The following CYFIP2 variants were observed in gnomAD, a reference collection of about 807,000 sequenced individuals.
CYFIP2 encodes the protein cytoplasmic FMR1-interacting protein 2.
CYFIP2 carries 29 observed loss-of-function variants against 158.7 expected under a neutral mutation model. The ratio of observed to expected loss-of-function variants is 0.18; its 90% CI spans 0.14 to 0.25. The LOEUF (loss-of-function observed/expected upper bound fraction) is 0.25, where lower values mean the gene tolerates loss of function less well. Among genes scored for constraint, CYFIP2 ranks in the 10% least tolerant of loss-of-function variants. CYFIP2 has a pLI of 1.00. For missense variants in CYFIP2, 852 were observed against 1,639.5 expected, an observed-to-expected ratio of 0.52 and a Z score of 8.29; for synonymous variants, 585 against 617.6, an observed-to-expected ratio of 0.95 and a Z score of 0.78.
intron 3 of CYFIP2, chr5:157,288,606 A>G (rs762153435): frequency 4.4e-6 from 2 of 456,078 alleles, no homozygotes; most frequent in South Asian, 1.5e-5. Flanking sequence ...TGCTTTTTCT[A>G]TACAGATATT....
chr5:157,274,538 G>A (rs1756388854), intron 1 of CYFIP2, among the ~76,000 whole-genome samples: 1 of 152,196 alleles, frequency 6.6e-6, no homozygotes, highest in African/African-American at 2.4e-5. Flanking sequence ...GAACATCCAT[G>A]TACAAGTTTT....
At chr5:157,326,411 G>A (rs1581065650) in intron 18 of CYFIP2, 144 bp downstream of exon 18, 1 of 711,970 alleles carries the variant, frequency 1.4e-6, no homozygotes. Flanking sequence ...CAGAAGGCCT[G>A]TGTAACCTCT....
intron 1 of CYFIP2, chr5:157,271,710 G>C (rs1213950795): frequency 6.6e-6 from 1 of 152,206 alleles, no homozygotes; most frequent in African/African-American, 2.4e-5. Flanking sequence ...TGCCCTTTTA[G>C]AGTGAGTGAA....
rs79257241 is a variant in CYFIP2, at chr5:157,312,656, T to C, written c.1110+875T>C. Among the ~76,000 whole-genome samples the C allele has an allele frequency of 5.4e-3, 825 of 152,324 alleles. 5 individuals carry two copies. The highest frequency in any genetic ancestry group is 0.019 in the African/African-American group (774 of 41,560). ...ACTTTCCAAACCCCAACTCAGGAGA[T>C]GCCTTTGATCACAGAGCAACGTACC... On this transcript the variant is annotated intron_variant, in intron 11 of 30. Transcript: ENST00000620254.
chr5:157,288,488 C>T (rs1277719048), intron 3 of CYFIP2: 2 of 397,006 alleles, frequency 5.0e-6, no homozygotes, highest in Non-Finnish European at 1.0e-5. Flanking sequence ...GTGGCTGGTG[C>T]CCTCAGAGGA....
chr5:157,335,614 G>C (rs1486894723), intron 21 of CYFIP2, among the ~76,000 whole-genome samples: 1 of 152,164 alleles, frequency 6.6e-6, no homozygotes. Context: ...TAAATTTGGG[G>C]CTGCAATGCA....
intron 3 of CYFIP2, among the ~76,000 whole-genome samples, chr5:157,290,222 A>G (rs981242889): frequency 2.0e-5 from 3 of 152,228 alleles, no homozygotes; most frequent in African/African-American, 4.8e-5. Flanking sequence ...ATTTGCTTAT[A>G]GTTTTGTAGG....
At chr5:157,320,023 G>T in intron 14 of CYFIP2, 95 bp downstream of exon 14, 1 of 1,472,128 alleles carries the variant, frequency 6.8e-7, no homozygotes, top group Non-Finnish European at 9.2e-7. Context: ...AACACACATG[G>T]GTCCTTCCAG....
intron 9 of CYFIP2, among the ~76,000 whole-genome samples, chr5:157,309,325 CAG>C (rs1311786575): frequency 6.6e-6 from 1 of 152,190 alleles, no homozygotes; most frequent in Non-Finnish European, 1.5e-5. Flanking sequence ...TTTGAAAGTA[CAG>C]ACTTTCTCAG....
At chr5:157,270,513 A>C (rs138160376) in intron 1 of CYFIP2, among the ~76,000 whole-genome samples, 139 of 152,362 alleles carry the variant, frequency 9.1e-4, no homozygotes, top group African/African-American at 3.3e-3. Flanking sequence ...GTAACTCTTA[A>C]GGAATATCCG....
chr5:157,311,142 G>A lies in CYFIP2; in HGVS notation c.993-522G>A. 2 of 453,746 alleles carry A rather than the reference G, an allele frequency of 4.4e-6. No homozygotes were observed. The highest frequency in any genetic ancestry group is 3.1e-5 in the South Asian group (2 of 64,430). 28.1% of individuals were successfully genotyped at this position (453,746 alleles called of 1,614,324 possible). A position where few individuals can be genotyped will look rare whatever the true frequency, so the allele number is the denominator to read the frequency against. The stretch of plus-strand genomic sequence containing the variant: ...GGAGGGGCCACCCCCACGTCTCAGA[G>A]TGGCCCTGGCTTCTCCCACCACAGT... On this transcript the variant is annotated intron_variant, in intron 10 of 30. Coordinates refer to ENST00000620254, the MANE Select transcript of CYFIP2 (RefSeq NM_001037333.3). This position sits in a 1 kb window ranked among gnomAD's most constrained non-coding sequence, Gnocchi z 4.7.
intron 29 of CYFIP2, chr5:157,389,673 G>A (rs1767071979): frequency 4.7e-6 from 2 of 427,606 alleles, no homozygotes; most frequent in Non-Finnish European, 8.4e-6. Context: ...GGAGCCTTTA[G>A]GAGTCCTTAG....
intron 26 of CYFIP2, among the ~76,000 whole-genome samples, chr5:157,369,885 T>TTTTTG (rs1205202760): frequency 2.8e-4 from 41 of 148,794 alleles, no homozygotes; most frequent in Non-Finnish European, 5.6e-4. Context: ...CCTAGTTTTT[T>TTTTTG]TTTTTTTTTT....
intron 16 of CYFIP2, 144 bp downstream of exon 16, chr5:157,324,218 A>C: frequency 9.9e-7 from 1 of 1,008,272 alleles, no homozygotes; most frequent in Non-Finnish European, 1.4e-6. Context: ...AAAAACACAT[A>C]CACTTTCCAG....
intron 28 of CYFIP2, among the ~76,000 whole-genome samples, chr5:157,386,752 T>G (rs1332764409): frequency 6.6e-6 from 1 of 152,050 alleles, no homozygotes; most frequent in Admixed American, 6.5e-5. Context: ...AAACCCCATC[T>G]CTACTAAAAA....
At chr5:157,376,683 G>T in intron 26 of CYFIP2, 1 of 202,296 alleles carries the variant, frequency 4.9e-6, no homozygotes, top group Non-Finnish European at 1.0e-5. Flanking sequence ...TTTCTCTTGG[G>T]TCTCATATAG....
rs1763796755 is a variant in CYFIP2, at chr5:157,361,228, TGTGTGTGTGCATGTGTGTGC to T, written c.2909-230_2909-211del. ...TGCCTCATTTGTGTGCCTGTGTTTG[TGTGTGTGTGCATGTGTGTGC>T]GTGTGTGTGTTCTGAAAAAGACATG... On this transcript the variant is annotated intron_variant, in intron 25 of 30. Transcript: ENST00000620254. This position sits in a 1 kb window ranked among gnomAD's most constrained non-coding sequence, Gnocchi z 4.4. Among the ~76,000 whole-genome samples the T allele has an allele frequency of 6.6e-6, 1 of 152,050 alleles. No homozygotes were observed. Among genetic ancestry groups the T allele is most frequent in the Non-Finnish European group, 1.5e-5 (1 of 68,012 alleles).
At chr5:157,373,448 T>A (rs1765176075) in intron 26 of CYFIP2, among the ~76,000 whole-genome samples, 1 of 152,180 alleles carries the variant, frequency 6.6e-6, no homozygotes, top group South Asian at 2.1e-4. Flanking sequence ...AGAGACTCGC[T>A]CCATGGGTTT....
intron 8 of CYFIP2, among the ~76,000 whole-genome samples, chr5:157,306,482 C>T (rs368785002): frequency 3.3e-5 from 5 of 152,242 alleles, no homozygotes; most frequent in Admixed American, 6.5e-5. Context: ...CCTCTTCAAT[C>T]TGGCCTTCAC....
Sources: allele counts gnomAD v4.1 joint callset (sites outside exome capture counted in the v4.1 genomes callset), GRCh38; gene constraint gnomAD v4.1.1; non-coding constraint Gnocchi (gnomAD v3.1); transcripts MANE v1.5; gene names NCBI Gene and HGNC (gene_info 2026-07-23, HGNC 2026-07-21).